Variants in TASP1 observed in about 807,000 individuals in gnomAD.
TASP1 encodes threonine aspartase 1.
A neutral mutation model predicts 56.6 loss-of-function variants in TASP1; 16 were observed. That is an observed-to-expected ratio of 0.28 (90% confidence interval 0.19 to 0.43). The LOEUF (loss-of-function observed/expected upper bound fraction) is 0.43. TASP1 is among the 20% of genes least tolerant of loss of function. The pLI, the probability that TASP1 is intolerant of heterozygous loss-of-function variation, is 1.00. For synonymous variants in TASP1, 179 were observed against 184.2 expected (o/e 0.97, Z 0.23); for missense variants, 393 against 511.6 (o/e 0.77, Z 2.24).
At chr20:13,394,484 C>T (rs957861200) in intron 13 of TASP1, among the ~76,000 whole-genome samples, 12 of 151,810 alleles carry the variant, frequency 7.9e-5, no homozygotes, top group South Asian at 2.1e-4. Context: ...TGGTGGCAGG[C>T]ACCTGTAGTC....
rs556358255 is a variant in TASP1 at position 13,422,603 on chromosome 20, T to C, written c.1097-5082A>G. Among the ~76,000 whole-genome samples the C allele has an allele frequency of 8.5e-5, 13 of 152,290 alleles. No individual in the cohort carries two copies. In the East Asian group the frequency reaches 2.5e-3, roughly 29 times the overall value. On this transcript the variant is annotated intron_variant, in intron 12 of 13. Transcript: ENST00000337743. ...AAATGAAGCTTATCCAAAATGCACA[T>C]TTTTCCCCATGAGACACTACCATCT...
chr20:13,587,999 C>T (rs73268992), intron 4 of TASP1, among the ~76,000 whole-genome samples: 4,318 of 151,966 alleles, frequency 0.028, 216 homozygotes, highest in African/African-American at 0.096. Context: ...TGGTGGTATG[C>T]ATCTGTGGTG....
chr20:13,157,225 G>T, the TASP1 span, among the ~76,000 whole-genome samples: 1 of 150,604 alleles, frequency 6.6e-6, no homozygotes, highest in Admixed American at 6.7e-5. Context: ...ATCACCTGAG[G>T]TCAGGAGTTT....
the TASP1 span, among the ~76,000 whole-genome samples, chr20:13,146,958 A>G: frequency 6.6e-6 from 1 of 152,186 alleles, no homozygotes; most frequent in Admixed American, 6.5e-5. Flanking sequence ...AGTGGGCCCA[A>G]AAAGCCAGTT....
At chr20:13,374,783 T>G in the TASP1 span, among the ~76,000 whole-genome samples, 77,146 of 152,084 alleles carry the variant, frequency 0.51, 20,676 homozygotes, top group Non-Finnish European at 0.6. Flanking sequence ...ACTTAGCTAG[T>G]CCATTTTGAT....
the TASP1 span, among the ~76,000 whole-genome samples, chr20:13,329,929 C>T: frequency 0.099 from 14,993 of 151,800 alleles, 1,156 homozygotes; most frequent in African/African-American, 0.21. Flanking sequence ...GAGCTTCTAT[C>T]ATGAATGGAT....
chr20:13,110,262 C>A, the TASP1 span: 1 of 1,530,492 alleles, frequency 6.5e-7, no homozygotes. Context: ...AGGCCTGCAG[C>A]AAGCTGACCA....
At chr20:13,520,863 C>T (rs909881287) in intron 10 of TASP1, among the ~76,000 whole-genome samples, 12 of 151,996 alleles carry the variant, frequency 7.9e-5, no homozygotes, top group African/African-American at 2.9e-4. Context: ...AAAATTTTTG[C>T]AATCTACTCA....
intron 12 of TASP1, among the ~76,000 whole-genome samples, chr20:13,431,863 G>A (rs1235122636): frequency 6.6e-6 from 1 of 152,162 alleles, no homozygotes; most frequent in Non-Finnish European, 1.5e-5. Context: ...AGCACACTTA[G>A]CCCCCTCACC....
At chr20:13,219,750 C>A in the TASP1 span, among the ~76,000 whole-genome samples, 1 of 152,174 alleles carries the variant, frequency 6.6e-6, no homozygotes. Flanking sequence ...CACAAATAAG[C>A]CCAACCAGCA....
intron 10 of TASP1, among the ~76,000 whole-genome samples, chr20:13,496,530 T>TTCTGGGTC (rs1182389853): frequency 6.7e-6 from 1 of 150,094 alleles, no homozygotes; most frequent in East Asian, 1.9e-4. Flanking sequence ...AAATGGCTGG[T>TTCTGGGTC]TCTGGGTCTC....
the TASP1 span, among the ~76,000 whole-genome samples, chr20:13,369,118 G>GA: frequency 1.3e-5 from 2 of 152,030 alleles, no homozygotes; most frequent in Non-Finnish European, 1.5e-5. Flanking sequence ...AGCTGGAAAA[G>GA]AAAAAAATGG....
chr20:13,214,066 G>C, the TASP1 span, among the ~76,000 whole-genome samples: 1 of 152,104 alleles, frequency 6.6e-6, no homozygotes, highest in Non-Finnish European at 1.5e-5. Context: ...GAAAAGAGTC[G>C]CTGTAAAGAA....
chr20:13,270,835 T>G, the TASP1 span: 18 of 1,246,368 alleles, frequency 1.4e-5, no homozygotes, highest in Admixed American at 1.2e-4. Context: ...CTTACCTCAC[T>G]TTTCTTCTTA....
the TASP1 span, among the ~76,000 whole-genome samples, chr20:13,331,698 G>C: frequency 3.6e-5 from 5 of 137,462 alleles, no homozygotes; most frequent in Non-Finnish European, 7.6e-5. Flanking sequence ...TCTGTCACTT[G>C]CACTGAAAGA....
chr20:13,315,890 A>G, the TASP1 span, among the ~76,000 whole-genome samples: 1 of 152,056 alleles, frequency 6.6e-6, no homozygotes, highest in Non-Finnish European at 1.5e-5. Context: ...ATACTTCTAA[A>G]TAACACATGG....
intron 4 of TASP1, among the ~76,000 whole-genome samples, chr20:13,601,184 G>A (rs1036889805): frequency 2.6e-5 from 4 of 152,158 alleles, no homozygotes; most frequent in East Asian, 1.9e-4. Flanking sequence ...CGGCTGAAGT[G>A]GGAGGATGGC....
chr20:13,233,487 CG>C, the TASP1 span, among the ~76,000 whole-genome samples: 1 of 150,288 alleles, frequency 6.7e-6, no homozygotes, highest in East Asian at 2.0e-4. Flanking sequence ...CCCAGCTACT[CG>C]GGAGGCTGAG....
chr20:13,365,678 A>C, the TASP1 span, among the ~76,000 whole-genome samples: 1 of 152,228 alleles, frequency 6.6e-6, no homozygotes, highest in African/African-American at 2.4e-5. Flanking sequence ...AAGAGAGGGG[A>C]GAGGTGGGTT....
Sources: gnomAD v4.1 joint callset for allele counts (sites outside exome capture counted in the v4.1 genomes callset) on GRCh38, gnomAD v4.1.1 for gene constraint, MANE v1.5 for transcripts, NCBI Gene and HGNC (gene_info 2026-07-23, HGNC 2026-07-21) for gene names.